The following SCG5 variants were observed in gnomAD, a reference collection of about 807,000 sequenced individuals.
SCG5 encodes secretogranin V.
Under a neutral mutation model 25.7 loss-of-function variants are expected in SCG5, and 18 were observed. That is an observed-to-expected ratio of 0.70 (90% CI 0.48 to 1.04). The LOEUF (loss-of-function observed/expected upper bound fraction) is 1.04. Among genes scored for constraint, SCG5 ranks in the 50% least tolerant of loss-of-function variants. The pLI is 0.00. For synonymous variants in SCG5, 101 were observed against 91.7 expected, an observed-to-expected ratio of 1.10 and a Z score of -0.58; for missense variants, 206 against 259.8, an observed-to-expected ratio of 0.79 and a Z score of 1.42.
intron 3 of SCG5, among the ~76,000 whole-genome samples, chr15:32,682,306 A>C (rs535678710): frequency 6.6e-6 from 1 of 152,158 alleles, no homozygotes; most frequent in Admixed American, 6.5e-5. Context: ...AGAATATTAT[A>C]GGAGAATGGA....
chr15:32,680,909 C>T (rs1374278985), intron 3 of SCG5, among the ~76,000 whole-genome samples: 1 of 152,166 alleles, frequency 6.6e-6, no homozygotes, highest in Non-Finnish European at 1.5e-5. Flanking sequence ...ACTCTGACTA[C>T]CTGAGTTCAA....
intron 2 of SCG5, among the ~76,000 whole-genome samples, chr15:32,645,856 T>C (rs4780031): frequency 0.35 from 53,014 of 152,066 alleles, 9,685 homozygotes; most frequent in East Asian, 0.52. Flanking sequence ...AGTCTCACTC[T>C]GTCACCCAGG....
intron 2 of SCG5, among the ~76,000 whole-genome samples, chr15:32,658,945 G>C (rs1391296747): frequency 1.3e-5 from 2 of 152,198 alleles, no homozygotes; most frequent in Non-Finnish European, 2.9e-5. Flanking sequence ...GGGAGGCCGA[G>C]GCGGGTGGAT....
chr15:32,686,663 C>G (rs137895682), intron 4 of SCG5, among the ~76,000 whole-genome samples: 13 of 151,566 alleles, frequency 8.6e-5, no homozygotes, highest in African/African-American at 3.1e-4. Flanking sequence ...AAGAGGTGAT[C>G]GAAGCATTGC....
At chr15:32,692,437 AAT>A (rs1452340794) in intron 5 of SCG5, 1 of 201,170 alleles carries the variant, frequency 5.0e-6, no homozygotes, top group Non-Finnish European at 8.9e-6. Context: ...CGTAAAACTC[AAT>A]GTCACATTTG....
At chr15:32,677,522 A>T (rs896168497) in intron 2 of SCG5, 1 of 152,236 alleles carries the variant, frequency 6.6e-6, no homozygotes. Flanking sequence ...TCCAGGGACA[A>T]GGGAGCCTCA....
chr15:32,647,854 C>G (rs2053968338), intron 2 of SCG5, among the ~76,000 whole-genome samples: 1 of 152,144 alleles, frequency 6.6e-6, no homozygotes, highest in Non-Finnish European at 1.5e-5. Context: ...GTTTCGTTTA[C>G]AGGTTTCTCT....
At chr15:32,684,441 T>C in intron 3 of SCG5, 116 bp from the exon 4 acceptor site, 2 of 661,304 alleles carry the variant, frequency 3.0e-6, no homozygotes, top group South Asian at 1.9e-5. Context: ...TGTTCTAAGT[T>C]ACTACTGATG....
At chr15:32,688,783 C>G (rs544037049) in intron 4 of SCG5, among the ~76,000 whole-genome samples, 2 of 152,066 alleles carry the variant, frequency 1.3e-5, no homozygotes, top group South Asian at 4.2e-4. Context: ...ACAGTGAAAC[C>G]CCGTCTCTAC....
At chr15:32,656,919 G>A (rs2054126988) in intron 2 of SCG5, among the ~76,000 whole-genome samples, 1 of 151,652 alleles carries the variant, frequency 6.6e-6, no homozygotes. Context: ...GGCTGGGGGG[G>A]ACTTGGTTTG....
At chr15:32,659,735 G>T (rs550800176) in intron 2 of SCG5, among the ~76,000 whole-genome samples, 1 of 152,304 alleles carries the variant, frequency 6.6e-6, no homozygotes, top group Non-Finnish European at 1.5e-5. Context: ...GTTTGGACAA[G>T]ATGTGAGTGA....
At chr15:32,682,562 T>G (rs2054638385) in intron 3 of SCG5, among the ~76,000 whole-genome samples, 1 of 152,226 alleles carries the variant, frequency 6.6e-6, no homozygotes, top group African/African-American at 2.4e-5. Flanking sequence ...GCAATCAAGC[T>G]GGCCTGGTAG....
intron 4 of SCG5, among the ~76,000 whole-genome samples, chr15:32,689,404 C>T (rs776713137): frequency 2.6e-5 from 4 of 152,108 alleles, no homozygotes; most frequent in Non-Finnish European, 4.4e-5. Flanking sequence ...ATTCCATCTT[C>T]ACCCATCCTT....
At chr15:32,652,820 A>G (rs972923895) in intron 2 of SCG5, among the ~76,000 whole-genome samples, 1 of 152,214 alleles carries the variant, frequency 6.6e-6, no homozygotes, top group Non-Finnish European at 1.5e-5. Flanking sequence ...CACTATTTTT[A>G]ACTTTTACAA....
chr15:32,650,779 G>A (rs966824357), intron 2 of SCG5, among the ~76,000 whole-genome samples: 2 of 152,214 alleles, frequency 1.3e-5, no homozygotes, highest in Non-Finnish European at 2.9e-5. Context: ...TTTCCCCACA[G>A]TTCTAGGCCA....
At chr15:32,696,399 G>A (rs2054963521) in intron 5 of SCG5, 115 bp from the exon 6 acceptor site, 9 of 709,368 alleles carry the variant, frequency 1.3e-5, no homozygotes, top group East Asian at 2.8e-5. Flanking sequence ...TTACAGGCGT[G>A]AGCCACCGCG....
chr15:32,648,822 A>C (rs1222103684), intron 2 of SCG5, among the ~76,000 whole-genome samples: 1 of 149,628 alleles, frequency 6.7e-6, no homozygotes, highest in Non-Finnish European at 1.5e-5. Context: ...CCCAGGCTGG[A>C]GTGCAATGGT....
intron 4 of SCG5, among the ~76,000 whole-genome samples, chr15:32,689,347 C>T (rs574606433): frequency 6.6e-6 from 1 of 152,208 alleles, no homozygotes; most frequent in South Asian, 2.1e-4. Flanking sequence ...TTTGACAGGA[C>T]CTCATCATTT....
At chr15:32,663,047 AT>A (rs569170110) in intron 2 of SCG5, among the ~76,000 whole-genome samples, 6 of 22,328 alleles carry the variant, frequency 2.7e-4, no homozygotes, top group African/African-American at 8.2e-4. Flanking sequence ...ATATATATAT[AT>A]ATATATATAT....
Sources: gnomAD v4.1 joint callset for allele counts (sites outside exome capture counted in the v4.1 genomes callset) on GRCh38, gnomAD v4.1.1 for gene constraint, MANE v1.5 for transcripts, NCBI Gene and HGNC (gene_info 2026-07-23, HGNC 2026-07-21) for gene names.